The following MSRA variants were observed in gnomAD, a reference collection of about 807,000 sequenced individuals.
The protein encoded by MSRA is mitochondrial peptide methionine sulfoxide reductase.
A neutral mutation model predicts 31.3 loss-of-function variants in MSRA; 54 were observed. The ratio of observed to expected loss-of-function variants is 1.73; its 90% CI spans 1.39 to 2.17. The LOEUF is 2.17. MSRA is among the 30% of genes most tolerant of loss of function. MSRA has a pLI of 0.00. For synonymous variants in MSRA, 169 were observed against 116.5 expected (o/e 1.45, Z -2.90); for missense variants, 507 against 300.9 (o/e 1.69, Z -5.07).
At chr8:10,242,099 C>G (rs1242554884) in intron 2 of MSRA, among the ~76,000 whole-genome samples, 1 of 152,080 alleles carries the variant, frequency 6.6e-6, no homozygotes, top group African/African-American at 2.4e-5. Context: ...TGGCGAAACC[C>G]CATCTCTACT....
chr8:10,277,189 C>A (rs1013280706), intron 3 of MSRA, among the ~76,000 whole-genome samples: 1 of 152,280 alleles, frequency 6.6e-6, no homozygotes, highest in East Asian at 1.9e-4. Context: ...TTTATCCTGG[C>A]AAACTTAAGA....
chr8:10,325,390 A>G (rs1452925811), intron 5 of MSRA, among the ~76,000 whole-genome samples: 1 of 152,158 alleles, frequency 6.6e-6, no homozygotes, highest in Admixed American at 6.5e-5. Context: ...CTGTTAGAAC[A>G]GCAACAACAG....
At chr8:10,147,667 G>C (rs1803263467) in intron 1 of MSRA, among the ~76,000 whole-genome samples, 1 of 152,140 alleles carries the variant, frequency 6.6e-6, no homozygotes, top group Non-Finnish European at 1.5e-5. Flanking sequence ...CACTGCTCTT[G>C]GCATGGCCAT....
At chr8:10,284,582 T>G (rs953940935) in intron 3 of MSRA, among the ~76,000 whole-genome samples, 2 of 152,192 alleles carry the variant, frequency 1.3e-5, no homozygotes, top group Admixed American at 6.5e-5. Context: ...AACATTGGAT[T>G]CATGTCCATT....
chr8:10,192,603 G>C (rs1481928212), intron 1 of MSRA, among the ~76,000 whole-genome samples: 11 of 152,260 alleles, frequency 7.2e-5, no homozygotes, highest in Admixed American at 7.2e-4. Context: ...ACAATGTGGA[G>C]ATTTCTGTCT....
At chr8:10,245,367 G>A in intron 3 of MSRA, 144 bp downstream of exon 3, 1 of 753,330 alleles carries the variant, frequency 1.3e-6, no homozygotes, top group Non-Finnish European at 2.0e-6. Flanking sequence ...ATATACTTGT[G>A]AGCTTCTCAC....
At chr8:10,139,409 G>A (rs181933692) in intron 1 of MSRA, among the ~76,000 whole-genome samples, 173 of 152,282 alleles carry the variant, frequency 1.1e-3, no homozygotes, top group Non-Finnish European at 1.7e-3. Flanking sequence ...CGGGGGACAA[G>A]TGCAGTTTTG....
At chr8:10,084,379 CAT>C (rs1376198715) in intron 1 of MSRA, among the ~76,000 whole-genome samples, 1 of 152,260 alleles carries the variant, frequency 6.6e-6, no homozygotes, top group Non-Finnish European at 1.5e-5. Context: ...TCCACTGACT[CAT>C]AGGATCTGAT....
chr8:10,245,349 T>TTG (rs2129082661), intron 3 of MSRA, 126 bp downstream of exon 3: 43 of 864,314 alleles, frequency 5.0e-5, no homozygotes, highest in Non-Finnish European at 6.7e-5. Flanking sequence ...TCTTTATTAT[T>TTG]TGTATATATA....
chr8:10,200,599 T>C (rs1394287100), intron 1 of MSRA, among the ~76,000 whole-genome samples: 1 of 151,964 alleles, frequency 6.6e-6, no homozygotes, highest in Non-Finnish European at 1.5e-5. Flanking sequence ...ACAGGATGAG[T>C]GGGCGTAGTG....
intron 1 of MSRA, among the ~76,000 whole-genome samples, chr8:10,067,874 GTTTTTTTTTTTT>G (rs71203303): frequency 3.0e-4 from 15 of 49,370 alleles, no homozygotes; most frequent in African/African-American, 5.0e-4. Flanking sequence ...TTCTTACTGA[GTTTTTTTTTTTT>G]TTTTTTTTTT....
At chr8:10,351,691 A>G (rs1378089615) in intron 5 of MSRA, among the ~76,000 whole-genome samples, 1 of 152,260 alleles carries the variant, frequency 6.6e-6, no homozygotes, top group Non-Finnish European at 1.5e-5. Flanking sequence ...GCCACCTGTA[A>G]GAAGACTTGT....
chr8:10,101,025 T>C (rs918885181), intron 1 of MSRA, among the ~76,000 whole-genome samples: 2 of 152,228 alleles, frequency 1.3e-5, no homozygotes, highest in African/African-American at 4.8e-5. Context: ...CAAATTGTTC[T>C]CAAAGACCCA....
intron 2 of MSRA, among the ~76,000 whole-genome samples, chr8:10,223,401 T>G (rs903815963): frequency 1.3e-5 from 2 of 152,220 alleles, no homozygotes; most frequent in South Asian, 4.1e-4. Flanking sequence ...GAAATAAGAC[T>G]ATAATGTATC....
At chr8:10,202,106 C>T (rs1399599879) in intron 1 of MSRA, among the ~76,000 whole-genome samples, 1 of 152,234 alleles carries the variant, frequency 6.6e-6, no homozygotes, top group Non-Finnish European at 1.5e-5. Flanking sequence ...TGTGGTGAAA[C>T]ATGCCATTGA....
intron 1 of MSRA, among the ~76,000 whole-genome samples, chr8:10,086,498 T>A (rs957670415): frequency 6.6e-6 from 1 of 152,136 alleles, no homozygotes; most frequent in Non-Finnish European, 1.5e-5. Flanking sequence ...TTGCTTGAAA[T>A]TTTTCTACCC....
intron 1 of MSRA, among the ~76,000 whole-genome samples, chr8:10,072,520 G>A (rs1047482706): frequency 1.3e-5 from 2 of 152,042 alleles, no homozygotes; most frequent in African/African-American, 4.8e-5. Context: ...TATATCGCAG[G>A]CCTTAATATT....
intron 1 of MSRA, among the ~76,000 whole-genome samples, chr8:10,098,137 A>G (rs1391288730): frequency 1.3e-5 from 2 of 152,194 alleles, no homozygotes; most frequent in East Asian, 1.9e-4. Context: ...CTTTTGTACT[A>G]CAAACACATT....
chr8:10,171,335 C>A (rs531810253), intron 1 of MSRA, among the ~76,000 whole-genome samples: 2 of 149,324 alleles, frequency 1.3e-5, no homozygotes, highest in Non-Finnish European at 3.0e-5. Flanking sequence ...ACAGACCTGA[C>A]ATTTTAAGAG....
Sources: gnomAD v4.1 joint callset for allele counts (sites outside exome capture counted in the v4.1 genomes callset) on GRCh38, gnomAD v4.1.1 for gene constraint, MANE v1.5 for transcripts, NCBI Gene and HGNC (gene_info 2026-07-23, HGNC 2026-07-21) for gene names.